SCGB2B2: variants seen among roughly 807,000 people sequenced by gnomAD.
SCGB2B2 encodes the protein secretoglobin family 2B member 2.
SCGB2B2 carries 11 observed loss-of-function variants against 7.6 expected under a neutral mutation model. That is an observed-to-expected ratio of 1.45 (90% CI 0.91 to 2.40). SCGB2B2 has a LOEUF of 2.40. Ranked by LOEUF, SCGB2B2 falls within the 30% of genes most tolerant of loss-of-function variation. The probability of loss-of-function intolerance (pLI) is 0.00; values close to 1 mark genes in which losing one functional copy is unlikely to be tolerated. For synonymous variants in SCGB2B2, 50 were observed against 48.6 expected (o/e 1.03, Z -0.12); for missense variants, 104 against 115.4 (o/e 0.90, Z 0.45).
chr19:34,608,550 C>T (rs1291085402), intron 1 of SCGB2B2: 1 of 150,648 alleles, frequency 6.6e-6, no homozygotes, highest in Non-Finnish European at 1.5e-5. Context: ...GAACATGCAG[C>T]ATTTATCTTC....
intron 1 of SCGB2B2, among the ~76,000 whole-genome samples, chr19:34,652,475 A>T (rs971229376): frequency 6.6e-6 from 1 of 151,398 alleles, no homozygotes; most frequent in African/African-American, 2.5e-5. Context: ...AATCTGATGT[A>T]AAAATGGATA....
At chr19:34,587,657 T>C (rs372292740), downstream of SCGB2B2, among the ~76,000 whole-genome samples, 23 of 152,350 alleles carry the variant, frequency 1.5e-4, no homozygotes, top group South Asian at 4.6e-3. Flanking sequence ...ATGATGTGAA[T>C]AGGCTGTGGG....
intron 1 of SCGB2B2, among the ~76,000 whole-genome samples, chr19:34,669,698 C>G (rs1410064951): frequency 1.3e-5 from 2 of 151,872 alleles, no homozygotes; most frequent in Non-Finnish European, 2.9e-5. Context: ...CTCTGCAGAC[C>G]TGCCCTGCCC....
At chr19:34,634,137 T>TAC in intron 1 of SCGB2B2, among the ~76,000 whole-genome samples, 1 of 152,340 alleles carries the variant, frequency 6.6e-6, no homozygotes, top group Admixed American at 6.5e-5. Flanking sequence ...AATATCTGTG[T>TAC]ACCCTCATGC....
intron 1 of SCGB2B2, chr19:34,637,887 C>G (rs1289296299): frequency 2.6e-5 from 4 of 152,178 alleles, no homozygotes; most frequent in African/African-American, 9.7e-5. Context: ...AGTATGTTCT[C>G]TTAAGAGTTT....
At chr19:34,637,528 G>A (rs755091340) in intron 1 of SCGB2B2, among the ~76,000 whole-genome samples, 3 of 152,048 alleles carry the variant, frequency 2.0e-5, no homozygotes, top group South Asian at 4.1e-4. Context: ...GACAGACACC[G>A]GGTCCATCGT....
chr19:34,614,019 G>A (rs1178342109), intron 1 of SCGB2B2, among the ~76,000 whole-genome samples: 1 of 152,130 alleles, frequency 6.6e-6, no homozygotes, highest in East Asian at 1.9e-4. Context: ...CTTTATATGT[G>A]ACTTGACGCT....
intron 1 of SCGB2B2, among the ~76,000 whole-genome samples, chr19:34,625,080 T>C (rs1267188397): frequency 6.6e-6 from 1 of 152,248 alleles, no homozygotes; most frequent in African/African-American, 2.4e-5. Flanking sequence ...CTGCTTATTC[T>C]ACTGAGTAAC....
At chr19:34,662,810 A>G (rs941481469) in intron 1 of SCGB2B2, among the ~76,000 whole-genome samples, 5 of 152,162 alleles carry the variant, frequency 3.3e-5, no homozygotes, top group Non-Finnish European at 5.9e-5. Context: ...ATGTGCCTGT[A>G]GTTCCAGCTA....
chr19:34,665,016 C>T (rs1170170015), intron 1 of SCGB2B2, among the ~76,000 whole-genome samples: 3 of 152,230 alleles, frequency 2.0e-5, no homozygotes, highest in African/African-American at 7.2e-5. Context: ...CCGGCCCCAT[C>T]ATGTACCTGG....
At chr19:34,644,174 T>C (rs1600061988) in intron 1 of SCGB2B2, among the ~76,000 whole-genome samples, 2 of 152,072 alleles carry the variant, frequency 1.3e-5, no homozygotes, top group African/African-American at 4.8e-5. Flanking sequence ...TCTGCAATAT[T>C]GGAAAGTCAA....
At chr19:34,610,535 T>A (rs950615097) in intron 1 of SCGB2B2, among the ~76,000 whole-genome samples, 2 of 152,200 alleles carry the variant, frequency 1.3e-5, no homozygotes, top group African/African-American at 4.8e-5. Context: ...TTGACTTTTA[T>A]CAAATGCATT....
chr19:34,607,116 T>C (rs2065803100), intron 1 of SCGB2B2, among the ~76,000 whole-genome samples: 1 of 152,252 alleles, frequency 6.6e-6, no homozygotes, highest in South Asian at 2.1e-4. Flanking sequence ...CATTTTAGAT[T>C]CTACATAGAA....
intron 1 of SCGB2B2, among the ~76,000 whole-genome samples, chr19:34,653,298 G>T (rs79667857): frequency 0.02 from 2,960 of 151,176 alleles, 59 homozygotes; most frequent in South Asian, 0.085. Flanking sequence ...CTATAGGATT[G>T]TAGGGTGAGT....
intron 3 of SCGB2B2, among the ~76,000 whole-genome samples, 154 bp from the exon 4 acceptor site, chr19:34,593,753 T>G (rs568987335): frequency 6.6e-6 from 1 of 152,032 alleles, no homozygotes; most frequent in African/African-American, 2.4e-5. Flanking sequence ...TGGATGTGGG[T>G]TGTGTCTCCT....
At chr19:34,665,044 C>G (rs1022922957) in intron 1 of SCGB2B2, among the ~76,000 whole-genome samples, 2 of 152,234 alleles carry the variant, frequency 1.3e-5, no homozygotes, top group South Asian at 2.1e-4. Flanking sequence ...AAGGCTGCAG[C>G]ACGGGATGCC....
At chr19:34,608,219 C>T (rs1327303588) in intron 1 of SCGB2B2, among the ~76,000 whole-genome samples, 1 of 152,032 alleles carries the variant, frequency 6.6e-6, no homozygotes, top group African/African-American at 2.4e-5. Flanking sequence ...TTTGTTGTTA[C>T]TGGAAATGTA....
intron 1 of SCGB2B2, chr19:34,646,263 C>T (rs1397187114): frequency 6.4e-6 from 1 of 155,840 alleles, no homozygotes; most frequent in African/African-American, 2.4e-5. Context: ...AACCCAGACA[C>T]TGCAACCCTG....
intron 1 of SCGB2B2, among the ~76,000 whole-genome samples, chr19:34,616,801 G>A (rs2066095590): frequency 6.6e-6 from 1 of 151,586 alleles, no homozygotes; most frequent in Admixed American, 6.6e-5. Context: ...TTTTCTTCTA[G>A]GGTTTTTATG....
Sources: gnomAD v4.1 joint callset for allele counts (sites outside exome capture counted in the v4.1 genomes callset) on GRCh38, gnomAD v4.1.1 for gene constraint, MANE v1.5 for transcripts, NCBI Gene and HGNC (gene_info 2026-07-23, HGNC 2026-07-21) for gene names.